Variants in PCDHGA7 observed in about 807,000 individuals in gnomAD.
The protein encoded by PCDHGA7 is protocadherin gamma-A7.
Under a neutral mutation model 58.3 loss-of-function variants are expected in PCDHGA7, and 44 were observed. The observed-to-expected ratio is 0.75, with a 90% CI of 0.59 to 0.97. The LOEUF (loss-of-function observed/expected upper bound fraction) is 0.97. Ranked by LOEUF, PCDHGA7 falls within the 50% of genes least tolerant of loss-of-function variation. The probability of loss-of-function intolerance (pLI) is 0.00; values close to 1 mark genes in which losing one functional copy is unlikely to be tolerated. For missense variants in PCDHGA7, 1,266 were observed against 1,188.7 expected, an observed-to-expected ratio of 1.06 and a Z score of -0.96; for synonymous variants, 516 against 504.2, an observed-to-expected ratio of 1.02 and a Z score of -0.31.
intron 1 of PCDHGA7, chr5:141,423,800 T>C: frequency 1.6e-5 from 14 of 895,104 alleles, no homozygotes; most frequent in East Asian, 1.3e-4. Context: ...TTTAGAGCAA[T>C]ACATGTGAGT....
At chr5:141,403,118 C>A (rs780657795) in intron 1 of PCDHGA7, 2 of 1,614,058 alleles carry the variant, frequency 1.2e-6, no homozygotes. Context: ...GGCTCTGGAG[C>A]CCCGGGAGCT....
intron 1 of PCDHGA7, among the ~76,000 whole-genome samples, chr5:141,430,388 A>G (rs2097280501): frequency 6.6e-6 from 1 of 152,106 alleles, no homozygotes; most frequent in Non-Finnish European, 1.5e-5. Flanking sequence ...ATTGGGAAAA[A>G]AAAAAAAAGC....
At position 141,491,265 on chromosome 5, in the gene PCDHGA7, C is replaced by G. The variant is rs868682993; in HGVS notation, c.2425-3542C>G. ...AGGATGAGGACCCTGAGGAAATGCCCAAATCCAGTGACTTCCTCATACACC... is the reference window on the plus strand; with the variant it reads ...AGGATGAGGACCCTGAGGAAATGCCGAAATCCAGTGACTTCCTCATACACC... On this transcript the variant is annotated intron_variant, in intron 1 of 3. Transcript: ENST00000518325. The surrounding 1 kb of genome is among the most constrained non-coding windows in gnomAD (Gnocchi z 6.9). The G allele has an allele frequency of 6.2e-7, 1 of 1,614,074 alleles. No individual in the cohort carries two copies. The highest frequency in any genetic ancestry group is 8.5e-7 in the Non-Finnish European group (1 of 1,179,916).
chr5:141,500,036 T>C (rs1001193977), intron 2 of PCDHGA7, among the ~76,000 whole-genome samples: 8 of 152,176 alleles, frequency 5.3e-5, no homozygotes, highest in African/African-American at 1.9e-4. Flanking sequence ...TGAGTGTCTC[T>C]TAAGTATCTT....
Position 141,384,775 on chromosome 5 carries a change from G to A in PCDHGA7, c.1876G>A (p.Val626Met). ...TGCGGTTGGGCTGTACACGGGCGAG[G>A]TGCGCACGGCTCGGGCCCTGCTGGA... is the stretch of plus-strand genomic sequence containing the variant. ...LFAVGLYTGE[V>M]RTARALLDRD... Residue 626 changes from valine (V) to methionine (M), a missense_variant, in exon 1 of 4, where the codon GTG becomes ATG. Physicochemically the swap from Val to Met is conservative, Grantham distance 21 (BLOSUM62 1). Coordinates refer to ENST00000518325, the MANE Select transcript of PCDHGA7 (RefSeq NM_018920.4). 6.2e-7 allele frequency: 1 copy of A among 1,613,910 alleles called. No homozygotes were observed. Among genetic ancestry groups the A allele is most frequent in the Non-Finnish European group, 8.5e-7 (1 of 1,180,008 alleles).
At chr5:141,424,841 C>A (rs1303241053) in intron 1 of PCDHGA7, among the ~76,000 whole-genome samples, 1 of 152,126 alleles carries the variant, frequency 6.6e-6, no homozygotes. Context: ...TACATGTTAT[C>A]TGAAGCAATG....
chr5:141,494,742 G>A (rs1223104681), intron 1 of PCDHGA7, 65 bp from the exon 2 acceptor site: 10 of 1,611,946 alleles, frequency 6.2e-6, no homozygotes, highest in Non-Finnish European at 8.5e-6. Context: ...CCCATCCCTA[G>A]GGGCTCGGGT....
chr5:141,398,586 A>G, intron 1 of PCDHGA7: 2 of 1,614,054 alleles, frequency 1.2e-6, no homozygotes, highest in Non-Finnish European at 1.7e-6. Flanking sequence ...CAAGATTTAT[A>G]CTAGAAGTAG....
intron 1 of PCDHGA7, chr5:141,427,676 T>G: frequency 1.2e-6 from 1 of 813,766 alleles, no homozygotes; most frequent in Non-Finnish European, 2.1e-6. Flanking sequence ...AAAACAACCT[T>G]CCCGGAGCCT....
intron 1 of PCDHGA7, chr5:141,420,220 A>G (rs2096478738): frequency 6.2e-7 from 1 of 1,608,142 alleles, no homozygotes; most frequent in African/African-American, 1.3e-5. Flanking sequence ...ATAGCATGCT[A>G]CTGGCTAGCA....
At chr5:141,414,352 T>C in intron 1 of PCDHGA7, 8 of 1,613,968 alleles carry the variant, frequency 5.0e-6, no homozygotes, top group Non-Finnish European at 6.8e-6. Flanking sequence ...CATTTTGGCG[T>C]ATCTACCATT....
rs750214310 is a variant in PCDHGA7 at position 141,432,447 on chromosome 5, T to C, written c.2424+47124T>C. 1 of 1,614,202 alleles carries C rather than the reference T, an allele frequency of 6.2e-7. No homozygotes were observed. Among genetic ancestry groups the C allele is most frequent in the South Asian group, 1.1e-5 (1 of 91,072 alleles). ...CAGAACGACAATGCGCCCGAGATCCTGTACCCCGCCCTCCCCACGGACGGT... is the reference window on the plus strand; with the variant it reads ...CAGAACGACAATGCGCCCGAGATCCCGTACCCCGCCCTCCCCACGGACGGT... On this transcript the variant is annotated intron_variant, in intron 1 of 3. Coordinates refer to ENST00000518325, the MANE Select transcript of PCDHGA7 (RefSeq NM_018920.4). This position sits in a 1 kb window ranked among gnomAD's most constrained non-coding sequence, Gnocchi z 6.0.
At chr5:141,483,955 G>A (rs1244162791) in intron 1 of PCDHGA7, among the ~76,000 whole-genome samples, 1 of 144,218 alleles carries the variant, frequency 6.9e-6, no homozygotes, top group African/African-American at 2.6e-5. Flanking sequence ...ATTGTGTTGT[G>A]TTTCTGTGCT....
intron 1 of PCDHGA7, chr5:141,427,811 C>T (rs1335555425): frequency 6.6e-7 from 1 of 1,523,180 alleles, no homozygotes; most frequent in Admixed American, 1.7e-5. Flanking sequence ...GCGCACAGAG[C>T]GGGGTGGTGG....
At position 141,487,421 on chromosome 5, in the gene PCDHGA7, C is replaced by A. The variant is rs1365581881; in HGVS notation, c.2425-7386C>A. On this transcript the variant is annotated intron_variant, in intron 1 of 3. Coordinates refer to ENST00000518325, the MANE Select transcript of PCDHGA7 (RefSeq NM_018920.4). This position sits in a 1 kb window ranked among gnomAD's most constrained non-coding sequence, Gnocchi z 5.0. ...GGGGCTTCCCCCTTCCAATGGGATC[C>A]TCCGAATCCAGCTAGGGTCAGATGA... 2 of 1,614,026 alleles carry A rather than the reference C, an allele frequency of 1.2e-6. No individual in the cohort carries two copies. Among genetic ancestry groups the A allele is most frequent in the South Asian group, 1.1e-5 (1 of 91,086 alleles).
At chr5:141,502,724 C>T (rs1288841230) in intron 2 of PCDHGA7, among the ~76,000 whole-genome samples, 2 of 152,134 alleles carry the variant, frequency 1.3e-5, no homozygotes, top group African/African-American at 4.8e-5. Context: ...GATTACAAAG[C>T]GGTGATGTTC....
intron 1 of PCDHGA7, chr5:141,484,911 T>G (rs2154580253): frequency 9.3e-6 from 4 of 432,018 alleles, no homozygotes; most frequent in South Asian, 3.3e-5. Context: ...CTGCGACGCA[T>G]TAACCCTGCT....
At chr5:141,483,737 G>A (rs1052778197) in intron 1 of PCDHGA7, among the ~76,000 whole-genome samples, 4 of 152,102 alleles carry the variant, frequency 2.6e-5, no homozygotes, top group South Asian at 2.1e-4. Context: ...TAGTCAAAAG[G>A]ATATTCCTGA....
chr5:141,456,872 A>C (rs1003618586), intron 1 of PCDHGA7, among the ~76,000 whole-genome samples: 2 of 152,152 alleles, frequency 1.3e-5, no homozygotes, highest in African/African-American at 4.8e-5. Context: ...CTGAGGCAGG[A>C]GAATCGCTTG....
Sources: gnomAD v4.1 joint callset for allele counts (sites outside exome capture counted in the v4.1 genomes callset) on GRCh38, gnomAD v4.1.1 for gene constraint, Gnocchi (gnomAD v3.1) non-coding constraint, MANE v1.5 for transcripts, NCBI Gene and HGNC (gene_info 2026-07-23, HGNC 2026-07-21) for gene names.